SLC22A11: variants seen among roughly 807,000 people sequenced by gnomAD.
SLC22A11 encodes the protein solute carrier family 22 member 11.
In SLC22A11, 42 loss-of-function variants were observed where a neutral mutation model predicts 49.4. The ratio of observed to expected loss-of-function variants is 0.85; its 90% CI spans 0.66 to 1.10. The LOEUF is 1.10. SLC22A11 is among the 50% of genes least tolerant of loss of function. The pLI is 0.00. For missense variants in SLC22A11, 685 were observed against 731.6 expected, an observed-to-expected ratio of 0.94 and a Z score of 0.74; for synonymous variants, 304 against 315.8, an observed-to-expected ratio of 0.96 and a Z score of 0.40.
chr11:64,565,268 C>T lies in SLC22A11; in HGVS notation c.989C>T (p.Pro330Leu), dbSNP rs754587649. The T allele has an allele frequency of 3.3e-5, 51 of 1,550,200 alleles. No homozygotes were observed. Among genetic ancestry groups the T allele is most frequent in the Middle Eastern group, 2.2e-4 (1 of 4,458 alleles). Residue 330 changes from proline to leucine, a missense_variant, in exon 6 of 10, where the codon CCG becomes CTG. By Grantham distance (98) the Pro-to-Leu change is moderately conservative. Coordinates refer to ENST00000301891, the MANE Select transcript of SLC22A11 (RefSeq NM_018484.4). This position sits in a 1 kb window ranked among gnomAD's most constrained non-coding sequence, Gnocchi z 4.1. ...VKEEVASAKE[P>L]RSVLDLFCVP... is the part of the protein sequence containing the mutation. ...GAGGAGGTGGCCTCTGCAAAGGAGC[C>T]GCGGTCGGTGCTGGACCTGTTCTGC...
chr11:64,562,397 A>C lies in SLC22A11; in HGVS notation c.783A>C (p.Ala261=). ...GGGACTGGAGGACTCTCCAGCTGGCAGCATCAGTGCCCTTCTTTGCCATCT... is the reference window on the plus strand; with the variant it reads ...GGGACTGGAGGACTCTCCAGCTGGCCGCATCAGTGCCCTTCTTTGCCATCT... ...ALRDWRTLQL[A]ASVPFFAISL... is the part of the protein sequence containing the mutation. The change falls in exon 4 of 10, where the codon GCA becomes GCC. Residue 261 remains alanine (A), a synonymous_variant. Transcript: ENST00000301891. The surrounding 1 kb of genome is among the most constrained non-coding windows in gnomAD (Gnocchi z 4.4). The C allele has an allele frequency of 6.2e-7, 1 of 1,603,610 alleles. No homozygotes were observed. Among genetic ancestry groups the C allele is most frequent in the South Asian group, 1.1e-5 (1 of 90,414 alleles).
chr11:64,568,789 C>T lies in SLC22A11; in HGVS notation c.1382+11C>T, dbSNP rs779256060. 5 of 1,610,760 alleles carry T rather than the reference C, an allele frequency of 3.1e-6. No homozygotes were observed. In the East Asian group the frequency reaches 8.9e-5, roughly 29 times the overall value. ...TCCAACGCCAGTGCGGTAAGCTGGGCTGCAGGCCATGCCCCAGGGCCAGCA... is the reference window on the plus strand; with the variant it reads ...TCCAACGCCAGTGCGGTAAGCTGGGTTGCAGGCCATGCCCCAGGGCCAGCA... On this transcript the variant is annotated intron_variant, in intron 8 of 9. Coordinates refer to ENST00000301891, the MANE Select transcript of SLC22A11 (RefSeq NM_018484.4).
chr11:64,561,198 C>T (rs559392689), intron 2 of SLC22A11, among the ~76,000 whole-genome samples: 1 of 152,346 alleles, frequency 6.6e-6, no homozygotes, highest in East Asian at 1.9e-4. Flanking sequence ...TCTGCATCCG[C>T]CCCATGAGCA....
rs200367926 is a variant in SLC22A11 at position 64,556,224 on chromosome 11, G to T, written c.225G>T (p.Pro75=). The T allele has an allele frequency of 4.5e-5, 73 of 1,613,926 alleles. No individual in the cohort carries two copies. The East Asian group carries it at 5.8e-4, about 13-fold the overall frequency. ...AGGCCCTTCTGACCATCTCCATCCC[G>T]CCAGGCCCCAACCAGGGGCCCCACC... is the stretch of plus-strand genomic sequence containing the variant. ...TPKALLTISI[P]PGPNQGPHQC... is the part of the protein sequence containing the mutation. Residue 75 remains proline (P), a synonymous_variant, in exon 1 of 10, where the codon CCG becomes CCT. Coordinates refer to ENST00000301891, the MANE Select transcript of SLC22A11 (RefSeq NM_018484.4).
chr11:64,565,222 G>A lies in SLC22A11; in HGVS notation c.943G>A (p.Val315Met), dbSNP rs1280715788. 6.5e-7 allele frequency: 1 copy of A among 1,535,956 alleles called. No individual in the cohort carries two copies. The highest frequency in any genetic ancestry group is 8.8e-7 in the Non-Finnish European group (1 of 1,137,688). ...ACGGTGCCCCCATTCTCCCCGGAAG[G>A]TGCTGATGTCCAGCGTGAAGGAGGA... ...HKEAKNLTIEVLMSSVKEEVA... is the reference protein window; with the variant it reads ...HKEAKNLTIEMLMSSVKEEVA... Residue 315 changes from valine (V) to methionine (M), a missense_variant and splice_region_variant, in exon 6 of 10, where the codon GTG becomes ATG. Val to Met is a conservative substitution (Grantham distance 21). Transcript: ENST00000301891. This position sits in a 1 kb window ranked among gnomAD's most constrained non-coding sequence, Gnocchi z 4.1.
chr11:64,569,222 C>T (rs1169222054), intron 8 of SLC22A11, among the ~76,000 whole-genome samples: 1 of 152,194 alleles, frequency 6.6e-6, no homozygotes, highest in Non-Finnish European at 1.5e-5. Flanking sequence ...TAAACTGAGG[C>T]TCGGGGTGAA....
intron 7 of SLC22A11, 35 bp downstream of exon 7, chr11:64,567,848 C>G: frequency 1.3e-6 from 2 of 1,540,482 alleles, no homozygotes; most frequent in South Asian, 2.3e-5. Context: ...GGACCGGGCC[C>G]TGCTTCCCCG....
In SLC22A11 at chr11:64,565,166, G is replaced by T. The variant is rs1421122469; in HGVS notation, c.943-56G>T. On this transcript the variant is annotated intron_variant, in intron 5 of 9. Transcript: ENST00000301891. The surrounding 1 kb of genome is among the most constrained non-coding windows in gnomAD (Gnocchi z 4.1). Reference sequence around the variant, plus strand: ...ACTTGGACACTGTTCTCTGGCACAGGGGGTGGGGCAGGGCCATTGCCCTAC... The same window carrying T: ...ACTTGGACACTGTTCTCTGGCACAGTGGGTGGGGCAGGGCCATTGCCCTAC... The T allele has an allele frequency of 6.0e-6, 8 of 1,332,534 alleles. No individual in the cohort carries two copies. In the South Asian group the frequency reaches 1.1e-4, roughly 19 times the overall value. The allele number at this position is 1,332,534 out of a possible 1,614,324, so 82.5% of individuals were successfully genotyped here. A position where few individuals can be genotyped will look rare whatever the true frequency, so the allele number is the denominator to read the frequency against.
chr11:64,557,012 A>G lies in SLC22A11; in HGVS notation c.393+620A>G, dbSNP rs539268020. Among the ~76,000 whole-genome samples the G allele has an allele frequency of 2.6e-3, 390 of 152,308 alleles. 1 individual carries two copies. The highest frequency in any genetic ancestry group is 4.6e-3 in the Non-Finnish European group (315 of 68,034). The stretch of plus-strand genomic sequence containing the variant: ...ATCGGTGATGATGGCCCAGATTCGG[A>G]TCGGGGCTCCGGTTCCAACATGAGC... On this transcript the variant is annotated intron_variant, in intron 1 of 9. Coordinates refer to ENST00000301891, the MANE Select transcript of SLC22A11 (RefSeq NM_018484.4).
chr11:64,564,402 A>G lies in SLC22A11; in HGVS notation c.916A>G (p.Lys306Glu). The change falls in exon 5 of 10, where the codon AAG becomes GAG. Residue 306 changes from lysine (K) to glutamate (E), a missense_variant. By Grantham distance (56) the Lys-to-Glu change is moderately conservative (BLOSUM62 1). Coordinates refer to ENST00000301891, the MANE Select transcript of SLC22A11 (RefSeq NM_018484.4). The surrounding 1 kb of genome is among the most constrained non-coding windows in gnomAD (Gnocchi z 4.2). ...LRKVARINGHKEAKNLTIEVL... is the reference protein window; with the variant it reads ...LRKVARINGHEEAKNLTIEVL... ...AAAGGTGGCCAGGATAAATGGCCAC[A>G]AGGAGGCCAAGAACCTGACCATAGA... The G allele has an allele frequency of 6.2e-7, 1 of 1,614,166 alleles. No individual in the cohort carries two copies. The highest frequency in any genetic ancestry group is 8.5e-7 in the Non-Finnish European group (1 of 1,180,014).
chr11:64,565,065 C>G lies in SLC22A11; in HGVS notation c.943-157C>G, dbSNP rs547328192. ...AGGGCCTGGAGAGAACCTTTTCTGC[C>G]CCATCCCCTCCCCTTCCCCTAGGGA... On this transcript the variant is annotated intron_variant, in intron 5 of 9. Coordinates refer to ENST00000301891, the MANE Select transcript of SLC22A11 (RefSeq NM_018484.4). This position sits in a 1 kb window ranked among gnomAD's most constrained non-coding sequence, Gnocchi z 4.1. Among the ~76,000 whole-genome samples, 1 of 152,170 alleles carries G rather than the reference C, an allele frequency of 6.6e-6. No individual in the cohort carries two copies. The highest frequency in any genetic ancestry group is 2.1e-4 in the South Asian group (1 of 4,824).
Position 64,564,210 on chromosome 11 carries a change from T to A in SLC22A11, c.822-98T>A. The A allele has an allele frequency of 6.9e-7, 1 of 1,457,506 alleles. No individual in the cohort carries two copies. The highest frequency in any genetic ancestry group is 9.4e-7 in the Non-Finnish European group (1 of 1,066,094). 90.3% of individuals were successfully genotyped at this position (1,457,506 alleles called of 1,614,324 possible). A position where few individuals can be genotyped will look rare whatever the true frequency, so the allele number is the denominator to read the frequency against. Reference sequence around the variant, plus strand: ...ACAGAAGCATGTGCTTCCTCATCACTCATCTCAGCTGGAGGGTCCGTGCCC... The same window carrying A: ...ACAGAAGCATGTGCTTCCTCATCACACATCTCAGCTGGAGGGTCCGTGCCC... On this transcript the variant is annotated intron_variant, in intron 4 of 9. Transcript: ENST00000301891. This position sits in a 1 kb window ranked among gnomAD's most constrained non-coding sequence, Gnocchi z 4.2.
intron 7 of SLC22A11, among the ~76,000 whole-genome samples, chr11:64,568,371 G>GA (rs1565124026): frequency 6.6e-6 from 1 of 152,128 alleles, no homozygotes; most frequent in East Asian, 1.9e-4. Flanking sequence ...GAGGCATCTC[G>GA]GGACCCTAGG....
rs2038662720 is a variant in SLC22A11 at position 64,568,696 on chromosome 11, G to A, written c.1300G>A (p.Ala434Thr). 6.2e-7 allele frequency: 1 copy of A among 1,614,058 alleles called. No homozygotes were observed. Among genetic ancestry groups the A allele is most frequent in the Non-Finnish European group, 8.5e-7 (1 of 1,180,032 alleles). The change falls in exon 8 of 10, where the codon GCT becomes ACT. Residue 434 changes from alanine to threonine, a missense_variant. Coordinates refer to ENST00000301891, the MANE Select transcript of SLC22A11 (RefSeq NM_018484.4). The stretch of plus-strand genomic sequence containing the variant: ...TTTGCAGACCCTGCGTGTGGTCTTT[G>A]CTGTGCTGGGAAAGGGATGTTTTGG... The part of the protein sequence containing the change: ...QDLQTLRVVF[A>T]VLGKGCFGIS...
At position 64,565,503 on chromosome 11, in the gene SLC22A11, T is replaced by A. The variant is rs1447817152; in HGVS notation, c.1058+166T>A. 1.5e-6 allele frequency: 1 copy of A among 683,758 alleles called. No homozygotes were observed. Among genetic ancestry groups the A allele is most frequent in the Non-Finnish European group, 2.7e-6 (1 of 375,682 alleles). The allele number at this position is 683,758 out of a possible 1,614,324, so 42.4% of individuals were successfully genotyped here. A position where few individuals can be genotyped will look rare whatever the true frequency, so the allele number is the denominator to read the frequency against. ...AGACAGCCCCAGCAGGCAGGAGTCC[T>A]GGCAGGCAGCAGAGAGGGACTATGC... On this transcript the variant is annotated intron_variant, in intron 6 of 9. Coordinates refer to ENST00000301891, the MANE Select transcript of SLC22A11 (RefSeq NM_018484.4). This position sits in a 1 kb window ranked among gnomAD's most constrained non-coding sequence, Gnocchi z 4.1.
At chr11:64,560,230 C>T (rs1320443278) in intron 2 of SLC22A11, among the ~76,000 whole-genome samples, 1 of 152,128 alleles carries the variant, frequency 6.6e-6, no homozygotes, top group Non-Finnish European at 1.5e-5. Context: ...CCACAGCATC[C>T]CCTTGCCTGA....
chr11:64,558,527 T>A (rs2038494959), intron 1 of SLC22A11, among the ~76,000 whole-genome samples: 1 of 152,174 alleles, frequency 6.6e-6, no homozygotes, highest in Non-Finnish European at 1.5e-5. Context: ...AAAATCCCAG[T>A]GAACCGTGCC....
intron 6 of SLC22A11, among the ~76,000 whole-genome samples, chr11:64,566,951 G>A (rs1406989865): frequency 6.6e-6 from 1 of 152,120 alleles, no homozygotes; most frequent in African/African-American, 2.4e-5. Flanking sequence ...GTGGGGGAGT[G>A]GGCAGAAAGC....
At position 64,568,686 on chromosome 11, in the gene SLC22A11, T is replaced by C; in HGVS notation, c.1290T>C (p.Arg430=). The C allele has an allele frequency of 6.2e-7, 1 of 1,614,020 alleles. No individual in the cohort carries two copies. Among genetic ancestry groups the C allele is most frequent in the Non-Finnish European group, 8.5e-7 (1 of 1,179,956 alleles). The change falls in exon 8 of 10, where the codon CGT becomes CGC. Residue 430 remains arginine (R), a synonymous_variant. Transcript: ENST00000301891. ...TGTACCCAGATTTGCAGACCCTGCGTGTGGTCTTTGCTGTGCTGGGAAAGG... is the reference window on the plus strand; with the variant it reads ...TGTACCCAGATTTGCAGACCCTGCGCGTGGTCTTTGCTGTGCTGGGAAAGG... ...MLVPQDLQTL[R]VVFAVLGKGC...
Sources: allele counts gnomAD v4.1 joint callset (sites outside exome capture counted in the v4.1 genomes callset), GRCh38; gene constraint gnomAD v4.1.1; non-coding constraint Gnocchi (gnomAD v3.1); transcripts MANE v1.5; gene names NCBI Gene and HGNC (gene_info 2026-07-23, HGNC 2026-07-21).